DDI2: variants seen among roughly 807,000 people sequenced by gnomAD.
The protein encoded by DDI2 is DDI proteasomal shuttling factor 2.
Under a neutral mutation model 48.1 loss-of-function variants are expected in DDI2, and 5 were observed. That is an observed-to-expected ratio of 0.10 (90% CI 0.05 to 0.22). The LOEUF (loss-of-function observed/expected upper bound fraction) is 0.22, where lower values mean the gene tolerates loss of function less well. DDI2 is among the 10% of genes least tolerant of loss of function. The probability of loss-of-function intolerance (pLI) is 1.00; values close to 1 mark genes in which losing one functional copy is unlikely to be tolerated. For missense variants in DDI2, 285 were observed against 506.2 expected (o/e 0.56, Z 4.19); for synonymous variants, 205 against 183.6 (o/e 1.12, Z -0.94).
chr1:15,648,834 CA>C (rs36082177), intron 6 of DDI2, among the ~76,000 whole-genome samples: 25,157 of 95,910 alleles, frequency 0.26, 2,232 homozygotes, highest in East Asian at 0.56. Flanking sequence ...GACCCTGTCT[CA>C]AAAAAAAAAA....
At chr1:15,636,850 G>A (rs1169171230) in intron 4 of DDI2, among the ~76,000 whole-genome samples, 2 of 152,222 alleles carry the variant, frequency 1.3e-5, no homozygotes, top group African/African-American at 4.8e-5. Flanking sequence ...CTCCGCCACT[G>A]CCATGTGAAA....
At chr1:15,619,588 A>T (rs1003055930) in intron 1 of DDI2, among the ~76,000 whole-genome samples, 1 of 150,988 alleles carries the variant, frequency 6.6e-6, no homozygotes, top group Non-Finnish European at 1.5e-5. Flanking sequence ...CAGCCTCCCG[A>T]GTAGCTGGGA....
intron 1 of DDI2, among the ~76,000 whole-genome samples, chr1:15,623,014 T>G (rs1639694500): frequency 6.6e-6 from 1 of 152,226 alleles, no homozygotes; most frequent in Admixed American, 6.5e-5. Context: ...ATGTGGTGGT[T>G]ATCTAGATTT....
At chr1:15,655,619 T>C (rs1468563877) in intron 8 of DDI2, among the ~76,000 whole-genome samples, 3 of 150,784 alleles carry the variant, frequency 2.0e-5, no homozygotes, top group Non-Finnish European at 4.4e-5. Context: ...CAGGCATGGT[T>C]GTGGGCGCCT....
At chr1:15,642,835 A>C (rs1053360710) in intron 5 of DDI2, among the ~76,000 whole-genome samples, 3 of 152,220 alleles carry the variant, frequency 2.0e-5, no homozygotes, top group African/African-American at 7.2e-5. Context: ...TGGGAGGCCG[A>C]GGCAGGTGGA....
At position 15,643,657 on chromosome 1, in the gene DDI2, A is replaced by C; in HGVS notation, c.889+7A>C. On this transcript the variant is annotated splice_region_variant and intron_variant, in intron 6 of 9. Coordinates refer to ENST00000480945, the MANE Select transcript of DDI2 (RefSeq NM_032341.5). ...ATTGGAAGGGTACATCTAGGTGAGC[A>C]AAAGGCACTGGGGCTTGCTGTCTTT... 1 of 1,613,678 alleles carries C rather than the reference A, an allele frequency of 6.2e-7. No homozygotes were observed. Among genetic ancestry groups the C allele is most frequent in the South Asian group, 1.1e-5 (1 of 90,990 alleles).
At chr1:15,617,957 C>T (rs1570961407) in intron 1 of DDI2, 149 bp downstream of exon 1, 1 of 1,252,852 alleles carries the variant, frequency 8.0e-7, no homozygotes, top group Non-Finnish European at 1.1e-6. Flanking sequence ...CGGAAAGGAG[C>T]TGGGGAGCTG....
In DDI2 at chr1:15,630,416, A is replaced by G. The variant is rs1333122626; in HGVS notation, c.360A>G (p.Ser120=). ...CACCAGGAACACAGCAGTCCCACTCATCTCCTGGAGAAATAACTTCATCTC... is the reference window on the plus strand; with the variant it reads ...CACCAGGAACACAGCAGTCCCACTCGTCTCCTGGAGAAATAACTTCATCTC... ...RQPPGTQQSH[S]SPGEITSSPQ... The change falls in exon 3 of 10, where the codon TCA becomes TCG. Residue 120 remains serine, a synonymous_variant. Transcript: ENST00000480945. 1 of 1,614,234 alleles carries G rather than the reference A, an allele frequency of 6.2e-7. No homozygotes were observed. The highest frequency in any genetic ancestry group is 8.5e-7 in the Non-Finnish European group (1 of 1,180,040).
At chr1:15,650,385 C>T (rs900557058) in intron 7 of DDI2, among the ~76,000 whole-genome samples, 1 of 152,154 alleles carries the variant, frequency 6.6e-6, no homozygotes, top group Admixed American at 6.5e-5. Context: ...TGAGATTAGG[C>T]ATGCTCAGGG....
chr1:15,668,777 ACT>A lies in DDI2; in HGVS notation c.*8990_*8991del, dbSNP rs1170933798. ...TGCTTTGGTTTTGAGAGTTGGGAAAACTCTGAGAACTTAAGGGAACCAAACTC... is the reference window on the plus strand; with the variant it reads ...TGCTTTGGTTTTGAGAGTTGGGAAAACTGAGAACTTAAGGGAACCAAACTC... On this transcript the variant is annotated 3_prime_UTR_variant, in exon 10 of 10. Coordinates refer to ENST00000480945, the MANE Select transcript of DDI2 (RefSeq NM_032341.5). 1 of 152,056 alleles carries A rather than the reference ACT, an allele frequency of 6.6e-6. No individual in the cohort carries two copies. Among genetic ancestry groups the A allele is most frequent in the Non-Finnish European group, 1.5e-5 (1 of 68,010 alleles). The allele number at this position is 152,056 out of a possible 1,614,324, so 9.4% of individuals were successfully genotyped here.
chr1:15,633,814 GCAGA>G, intron 4 of DDI2: 2 of 499,598 alleles, frequency 4.0e-6, no homozygotes, highest in Non-Finnish European at 7.7e-6. Context: ...TCCCTGACTA[GCAGA>G]CAGAGCATCA....
chr1:15,639,552 C>T (rs1158536544), intron 5 of DDI2, among the ~76,000 whole-genome samples: 1 of 152,204 alleles, frequency 6.6e-6, no homozygotes, highest in African/African-American at 2.4e-5. Context: ...CAGCCTCCAA[C>T]TCCTGGGCTC....
At chr1:15,629,755 A>G (rs1639814258) in intron 2 of DDI2, among the ~76,000 whole-genome samples, 1 of 145,782 alleles carries the variant, frequency 6.9e-6, no homozygotes, top group South Asian at 2.2e-4. Context: ...TTTTGAGATG[A>G]AGTTTCGCTC....
chr1:15,650,168 C>T (rs1267611798), intron 7 of DDI2, among the ~76,000 whole-genome samples: 1 of 152,160 alleles, frequency 6.6e-6, no homozygotes, highest in East Asian at 1.9e-4. Flanking sequence ...AAGTCTTTAG[C>T]ATTCTCTGAT....
chr1:15,633,764 C>G lies in DDI2; in HGVS notation c.632+199C>G, dbSNP rs751024321. 23 of 723,960 alleles carry G rather than the reference C, an allele frequency of 3.2e-5. No individual in the cohort carries two copies. The African/African-American group carries it at 3.4e-4, about 11-fold the overall frequency. The allele number at this position is 723,960 out of a possible 1,614,324, so 44.8% of individuals were successfully genotyped here. ...ATTTGACATGACAAAGATATAGGTG[C>G]TTAGTTTAATGACTTTCTTTCTAAA... On this transcript the variant is annotated intron_variant, in intron 4 of 9. Coordinates refer to ENST00000480945, the MANE Select transcript of DDI2 (RefSeq NM_032341.5).
Position 15,630,577 on chromosome 1 carries a change from T to C in DDI2, c.505+16T>C, listed in dbSNP as rs1639827521. ...GGAGACCTTGGTAAGCTTATAAATT[T>C]GGAAGGCTATTAGGCTGGCCTGAGG... On this transcript the variant is annotated intron_variant, in intron 3 of 9. Coordinates refer to ENST00000480945, the MANE Select transcript of DDI2 (RefSeq NM_032341.5). 4 of 1,578,168 alleles carry C rather than the reference T, an allele frequency of 2.5e-6. No homozygotes were observed. Among genetic ancestry groups the C allele is most frequent in the Admixed American group, 1.7e-5 (1 of 59,962 alleles).
intron 1 of DDI2, among the ~76,000 whole-genome samples, chr1:15,626,306 CATA>C (rs1639753789): frequency 6.6e-6 from 1 of 151,892 alleles, no homozygotes; most frequent in Non-Finnish European, 1.5e-5. Flanking sequence ...TTTTAAATAA[CATA>C]GTAGGGAAGA....
rs144042605 is a variant in DDI2 at position 15,650,612 on chromosome 1, G to A, written c.993+789G>A. On this transcript the variant is annotated intron_variant, in intron 7 of 9. Transcript: ENST00000480945. ...AAAGTACAAAAATTAGCTAGGCGTG[G>A]TGGTACATTAGCTACTCGTGAGGCT... Among the ~76,000 whole-genome samples, 9 of 152,202 alleles carry A rather than the reference G, an allele frequency of 5.9e-5. No individual in the cohort carries two copies. The East Asian group carries it at 1.7e-3, about 29-fold the overall frequency.
intron 3 of DDI2, among the ~76,000 whole-genome samples, chr1:15,632,091 A>G (rs1639855430): frequency 6.6e-6 from 1 of 152,006 alleles, no homozygotes; most frequent in Non-Finnish European, 1.5e-5. Context: ...GGCGTGAGCC[A>G]CCACTCCCAG....
Sources: allele counts gnomAD v4.1 joint callset (sites outside exome capture counted in the v4.1 genomes callset), GRCh38; gene constraint gnomAD v4.1.1; transcripts MANE v1.5; gene names NCBI Gene and HGNC (gene_info 2026-07-23, HGNC 2026-07-21).